The following ABCC4 variants were observed in gnomAD, a reference collection of about 807,000 sequenced individuals.
ABCC4 encodes the protein ATP-binding cassette sub-family C member 4.
A neutral mutation model predicts 168.5 loss-of-function variants in ABCC4; 102 were observed. The ratio of observed to expected loss-of-function variants is 0.61; its 90% CI spans 0.52 to 0.71. ABCC4 has a LOEUF of 0.71. Among genes scored for constraint, ABCC4 ranks in the 30% least tolerant of loss-of-function variants. The pLI, the probability that ABCC4 is intolerant of heterozygous loss-of-function variation, is 0.00. For synonymous variants in ABCC4, 617 were observed against 590.7 expected, an observed-to-expected ratio of 1.04 and a Z score of -0.65; for missense variants, 1,402 against 1,605.8, an observed-to-expected ratio of 0.87 and a Z score of 2.17.
chr13:95,289,818 G>A (rs372555170), intron 1 of ABCC4, among the ~76,000 whole-genome samples: 7 of 152,148 alleles, frequency 4.6e-5, no homozygotes, highest in East Asian at 3.9e-4. Flanking sequence ...ATTGATGTGC[G>A]GGGCGCGGTG....
chr13:95,265,862 A>C (rs534568129), intron 1 of ABCC4, among the ~76,000 whole-genome samples: 1 of 152,336 alleles, frequency 6.6e-6, no homozygotes, highest in East Asian at 1.9e-4. Context: ...TACCCAAGGC[A>C]GACTTAGATA....
At chr13:95,254,055 G>A (rs903229462) in intron 1 of ABCC4, among the ~76,000 whole-genome samples, 110 of 151,930 alleles carry the variant, frequency 7.2e-4, no homozygotes, top group African/African-American at 2.5e-3. Context: ...TACCATGCCC[G>A]GCTATTTTTT....
At chr13:95,159,132 T>TATAA (rs1486901839) in intron 19 of ABCC4, among the ~76,000 whole-genome samples, 15 of 124,388 alleles carry the variant, frequency 1.2e-4, no homozygotes, top group African/African-American at 4.6e-4. Context: ...TATATATATA[T>TATAA]AACTATTGAA....
In ABCC4 at chr13:95,071,834, A is replaced by G; in HGVS notation, c.3038T>C (p.Val1013Ala). Residue 1013 changes from valine (V) to alanine (A), a missense_variant, in exon 25 of 31, where the codon GTC becomes GCC. Physicochemically the swap from Val to Ala is moderately conservative, Grantham distance 64. Around this residue, in one of 3 missense-constraint regions of ABCC4, gnomAD observed 1,007 missense variants for 1,127.3 expected, o/e 0.89. Coordinates refer to ENST00000645237, the MANE Select transcript of ABCC4 (RefSeq NM_005845.5). ...VENMMISVER[V>A]IEYTDLEKEA... ...TTTTTCAAGGTCTGTGTATTCAATG[A>G]CCCTTTCTACTGAGATCATCTGAAA... 1.3e-6 allele frequency: 2 copies of G among 1,575,674 alleles called. No individual in the cohort carries two copies. Among genetic ancestry groups the G allele is most frequent in the Non-Finnish European group, 1.7e-6 (2 of 1,164,552 alleles).
chr13:95,125,331 G>C (rs959981846), intron 19 of ABCC4, among the ~76,000 whole-genome samples: 15 of 152,204 alleles, frequency 9.9e-5, no homozygotes, highest in African/African-American at 3.6e-4. Flanking sequence ...GGCCAAAGCA[G>C]CCGCTGACAG....
chr13:95,259,584 C>G (rs1226110265), intron 1 of ABCC4, among the ~76,000 whole-genome samples: 1 of 152,276 alleles, frequency 6.6e-6, no homozygotes, highest in African/African-American at 2.4e-5. Flanking sequence ...CTAAAATTAT[C>G]TGAGGCATTG....
At chr13:95,051,423 C>T (rs759051649) in intron 27 of ABCC4, among the ~76,000 whole-genome samples, 33 of 152,298 alleles carry the variant, frequency 2.2e-4, no homozygotes, top group Middle Eastern at 3.4e-3. Flanking sequence ...GGCTGGAGTG[C>T]AGTGGTGCAA....
At chr13:95,184,044 T>C (rs1002363719) in intron 11 of ABCC4, among the ~76,000 whole-genome samples, 4 of 152,310 alleles carry the variant, frequency 2.6e-5, no homozygotes, top group Admixed American at 2.6e-4. Context: ...CAGCAGTCCA[T>C]GCTTACACAC....
chr13:95,049,703 A>C (rs1271603788), intron 27 of ABCC4, among the ~76,000 whole-genome samples: 1 of 152,026 alleles, frequency 6.6e-6, no homozygotes, highest in East Asian at 1.9e-4. Flanking sequence ...ACACAACCAC[A>C]TCCATAGGAC....
At chr13:95,175,514 C>T (rs1221303323) in intron 13 of ABCC4, among the ~76,000 whole-genome samples, 2 of 152,042 alleles carry the variant, frequency 1.3e-5, no homozygotes, top group Non-Finnish European at 2.9e-5. Context: ...GGTTTCACAA[C>T]GTTGGCCAGG....
chr13:95,134,933 A>G (rs956486244), intron 19 of ABCC4, among the ~76,000 whole-genome samples: 2 of 152,066 alleles, frequency 1.3e-5, no homozygotes, highest in Admixed American at 6.6e-5. Context: ...ACTTGGGGGG[A>G]AAAACAGACC....
intron 19 of ABCC4, among the ~76,000 whole-genome samples, chr13:95,147,085 T>C (rs1209436569): frequency 6.6e-6 from 1 of 152,198 alleles, no homozygotes; most frequent in African/African-American, 2.4e-5. Flanking sequence ...CTTTCTGACA[T>C]TACTGAGGTT....
intron 6 of ABCC4, 54 bp downstream of exon 6, chr13:95,209,380 A>G: frequency 1.9e-6 from 3 of 1,564,114 alleles, no homozygotes; most frequent in East Asian, 4.5e-5. Flanking sequence ...CATTGGGAAG[A>G]CTGTGGATGT....
At chr13:95,271,438 C>T (rs1214494206) in intron 1 of ABCC4, among the ~76,000 whole-genome samples, 1 of 152,090 alleles carries the variant, frequency 6.6e-6, no homozygotes, top group African/African-American at 2.4e-5. Flanking sequence ...CAGAGGTCCC[C>T]GTCAGCTGTG....
At chr13:95,221,851 G>A (rs1256313389) in intron 4 of ABCC4, among the ~76,000 whole-genome samples, 2 of 152,150 alleles carry the variant, frequency 1.3e-5, no homozygotes, top group Non-Finnish European at 2.9e-5. Flanking sequence ...CCTGGGGAAA[G>A]GAATGCAGAG....
chr13:95,264,544 G>A (rs1305425205), intron 1 of ABCC4, among the ~76,000 whole-genome samples: 1 of 152,180 alleles, frequency 6.6e-6, no homozygotes. Context: ...TTTCTGCTAT[G>A]AAGTCACATC....
intron 25 of ABCC4, among the ~76,000 whole-genome samples, chr13:95,066,989 C>T (rs1197757656): frequency 6.6e-6 from 1 of 152,182 alleles, no homozygotes; most frequent in East Asian, 1.9e-4. Flanking sequence ...GGGTGGATTA[C>T]AGCTGTTGAC....
intron 1 of ABCC4, among the ~76,000 whole-genome samples, chr13:95,274,892 C>G (rs943388758): frequency 2.6e-5 from 4 of 152,130 alleles, no homozygotes; most frequent in African/African-American, 9.7e-5. Context: ...GCCTGGCCAA[C>G]ATGGTACAAC....
At chr13:95,265,830 T>C (rs759193917) in intron 1 of ABCC4, among the ~76,000 whole-genome samples, 19 of 152,116 alleles carry the variant, frequency 1.2e-4, no homozygotes, top group Non-Finnish European at 2.2e-4. Context: ...AAATATGTCT[T>C]AGCATGAAAA....
Sources: gnomAD v4.1 joint callset for allele counts (sites outside exome capture counted in the v4.1 genomes callset) on GRCh38, gnomAD v4.1.1 for gene constraint, gnomAD v4.1.1 regional missense constraint, MANE v1.5 for transcripts, NCBI Gene and HGNC (gene_info 2026-07-23, HGNC 2026-07-21) for gene names.